C9orf57: variants seen among roughly 807,000 people sequenced by gnomAD.
The protein encoded by C9orf57 is chromosome 9 open reading frame 57.
A neutral mutation model predicts 12.9 loss-of-function variants in C9orf57; 12 were observed. The observed-to-expected ratio is 0.93, with a 90% CI of 0.60 to 1.51. The LOEUF (loss-of-function observed/expected upper bound fraction) is 1.51. Among genes scored for constraint, C9orf57 ranks in the 40% most tolerant of loss-of-function variants. C9orf57 has a pLI of 0.00. For synonymous variants in C9orf57, 49 were observed against 57.1 expected (o/e 0.86, Z 0.64); for missense variants, 141 against 162.8 (o/e 0.87, Z 0.73).
chr9:72,060,374 A>G (rs1481464868), intron 1 of C9orf57, 123 bp downstream of exon 1: 8 of 648,116 alleles, frequency 1.2e-5, no homozygotes, highest in Non-Finnish European at 2.0e-5. Flanking sequence ...TTTCACTGCA[A>G]AAGACCTTAT....
chr9:72,052,376 T>A lies in C9orf57; in HGVS notation c.340A>T (p.Ser114Cys), dbSNP rs987872961. The A allele has an allele frequency of 1.2e-5, 18 of 1,552,046 alleles. No individual in the cohort carries two copies. The Admixed American group carries it at 3.5e-4, about 30-fold the overall frequency. ...CTKNTSECFK[S>C]TLVKRILQLH... ...TGCAGAATTCTCTTGACGAGAGTAC[T>A]CTTGAAGCACTCTGATGTGTTCTTT... The change falls in exon 5 of 5, where the codon AGT (serine) becomes TGT (cysteine). Residue 114 changes from serine to cysteine, a missense_variant. By Grantham distance (112) the Ser-to-Cys change is moderately radical. Coordinates refer to ENST00000651200, the MANE Select transcript of C9orf57 (RefSeq NM_001128618.2).
intron 4 of C9orf57, among the ~76,000 whole-genome samples, chr9:72,053,470 A>G (rs965438001): frequency 1.3e-5 from 2 of 152,170 alleles, no homozygotes; most frequent in Non-Finnish European, 2.9e-5. Context: ...GCTCTTTCTT[A>G]TACATAGAGT....
At chr9:72,054,500 ATGTC>A (rs1824147369) in intron 4 of C9orf57, among the ~76,000 whole-genome samples, 1 of 152,220 alleles carries the variant, frequency 6.6e-6, no homozygotes, top group Non-Finnish European at 1.5e-5. Context: ...GTCATTGAAA[ATGTC>A]TGAGCGTTCC....
intron 4 of C9orf57, among the ~76,000 whole-genome samples, chr9:72,054,417 G>T (rs533212676): frequency 2.6e-5 from 4 of 152,130 alleles, no homozygotes; most frequent in African/African-American, 9.7e-5. Context: ...TTGCTTTGTC[G>T]AAGGCTGTGT....
chr9:72,053,186 T>C (rs1824115838), intron 4 of C9orf57, among the ~76,000 whole-genome samples: 1 of 152,116 alleles, frequency 6.6e-6, no homozygotes, highest in Non-Finnish European at 1.5e-5. Flanking sequence ...TCTTGGCATC[T>C]AGTGGGTAAA....
At chr9:72,057,866 T>G (rs980831178) in intron 2 of C9orf57, among the ~76,000 whole-genome samples, 1 of 152,204 alleles carries the variant, frequency 6.6e-6, no homozygotes, top group Non-Finnish European at 1.5e-5. Flanking sequence ...CTTGAAAATA[T>G]TATTCATTTT....
chr9:72,051,986 C>G lies in C9orf57; in HGVS notation c.*310G>C, dbSNP rs948117473. Reference sequence around the variant, plus strand: ...AATGAAAGTAGTTAGAGGTGACATGCCTAGTTTGACTTGGAGAATCACTAA... The same window carrying G: ...AATGAAAGTAGTTAGAGGTGACATGGCTAGTTTGACTTGGAGAATCACTAA... On this transcript the variant is annotated 3_prime_UTR_variant, in exon 5 of 5. Coordinates refer to ENST00000651200, the MANE Select transcript of C9orf57 (RefSeq NM_001128618.2). 1 of 278,132 alleles carries G rather than the reference C, an allele frequency of 3.6e-6. No individual in the cohort carries two copies. Among genetic ancestry groups the G allele is most frequent in the African/African-American group, 2.2e-5 (1 of 45,092 alleles). 17.2% of individuals were successfully genotyped at this position (278,132 alleles called of 1,614,324 possible).
chr9:72,056,910 T>C lies in C9orf57; in HGVS notation c.98-67A>G, dbSNP rs570182568. The C allele has an allele frequency of 2.3e-4, 283 of 1,222,062 alleles. No individual in the cohort carries two copies. The African/African-American group carries it at 4.1e-3, about 17-fold the overall frequency. 75.7% of individuals were successfully genotyped at this position (1,222,062 alleles called of 1,614,324 possible). On this transcript the variant is annotated intron_variant, in intron 2 of 4. Coordinates refer to ENST00000651200, the MANE Select transcript of C9orf57 (RefSeq NM_001128618.2). ...CTGCAAATGTATACATATATATGTA[T>C]ACTTTTTTTTTTTTTTGAGACAGGG...
In C9orf57 at chr9:72,056,118, T is replaced by C; in HGVS notation, c.236A>G (p.Gln79Arg). The C allele has an allele frequency of 1.3e-6, 2 of 1,551,356 alleles. No homozygotes were observed. The highest frequency in any genetic ancestry group is 1.7e-6 in the Non-Finnish European group (2 of 1,146,722). The change falls in exon 4 of 5, where the codon CAG becomes CGG. Residue 79 changes from glutamine to arginine, a missense_variant. By Grantham distance (43) the Gln-to-Arg change is conservative. Coordinates refer to ENST00000651200, the MANE Select transcript of C9orf57 (RefSeq NM_001128618.2). Reference sequence around the variant, plus strand: ...TTTACAGTACTGACCAGGTTCTGCCTGGCAGGTTCCCAGGTCTAAAAGACA... The same window carrying C: ...TTTACAGTACTGACCAGGTTCTGCCCGGCAGGTTCCCAGGTCTAAAAGACA... ...HGCLLDLGTCQAEPGQYCKEE... is the reference protein window; with the variant it reads ...HGCLLDLGTCRAEPGQYCKEE...
chr9:72,052,102 G>A lies in C9orf57; in HGVS notation c.*194C>T. 1.8e-6 allele frequency: 1 copy of A among 553,818 alleles called. No homozygotes were observed. Among genetic ancestry groups the A allele is most frequent in the Non-Finnish European group, 3.1e-6 (1 of 318,408 alleles). The allele number at this position is 553,818 out of a possible 1,614,324, so 34.3% of individuals were successfully genotyped here. On this transcript the variant is annotated 3_prime_UTR_variant, in exon 5 of 5. Coordinates refer to ENST00000651200, the MANE Select transcript of C9orf57 (RefSeq NM_001128618.2). ...ATGGTGTTGAAAGGGCTATTTCTCA[G>A]ATGAGTTGGAGGTGGTGGGGGAGAT...
intron 1 of C9orf57, among the ~76,000 whole-genome samples, 184 bp downstream of exon 1, chr9:72,060,313 G>A (rs1019391357): frequency 6.6e-6 from 1 of 152,144 alleles, no homozygotes; most frequent in Non-Finnish European, 1.5e-5. Context: ...CCAAAGTGCT[G>A]GGATTACAGG....
rs150556445 is a variant in C9orf57, at chr9:72,059,174, C to T, written c.97+61G>A. 301 of 1,544,186 alleles carry T rather than the reference C, an allele frequency of 1.9e-4. 2 individuals are homozygous for T. In the East Asian group the frequency reaches 6.2e-3, roughly 32 times the overall value. On this transcript the variant is annotated intron_variant, in intron 2 of 4. Coordinates refer to ENST00000651200, the MANE Select transcript of C9orf57 (RefSeq NM_001128618.2). ...GATTACAGGCGTGAGCCGCCACGCT[C>T]GGCCCTACAATTTCTTAATAATTTT...
intron 3 of C9orf57, 33 bp from the exon 4 acceptor site, chr9:72,056,229 A>G: frequency 1.3e-6 from 2 of 1,537,376 alleles, no homozygotes; most frequent in Non-Finnish European, 1.8e-6. Context: ...ATGAGAAAGT[A>G]GTGATAGATA....
At position 72,055,374 on chromosome 9, in the gene C9orf57, C is replaced by CTCCTTCCT. The variant is rs1161301685; in HGVS notation, c.280+692_280+699dup. On this transcript the variant is annotated intron_variant, in intron 4 of 4. Coordinates refer to ENST00000651200, the MANE Select transcript of C9orf57 (RefSeq NM_001128618.2). ...ATTCTTTCCCTCCCTCCCTCCCTCC[C>CTCCTTCCT]TCCTTCCTTCCTTCCTTCCTTCCTT... is the stretch of plus-strand genomic sequence containing the variant. Among the ~76,000 whole-genome samples the CTCCTTCCT allele has an allele frequency of 1.1e-3, 65 of 58,144 alleles. 1 individual carries two copies. Among genetic ancestry groups the CTCCTTCCT allele is most frequent in the East Asian group, 3.9e-3 (6 of 1,556 alleles). The allele number at this position is 58,144 out of a possible 152,430, so 38.1% of individuals were successfully genotyped here. A position where few individuals can be genotyped will look rare whatever the true frequency, so the allele number is the denominator to read the frequency against.
intron 1 of C9orf57, among the ~76,000 whole-genome samples, chr9:72,060,013 T>C (rs1025381289): frequency 6.6e-6 from 1 of 152,008 alleles, no homozygotes; most frequent in Admixed American, 6.6e-5. Context: ...AAAAGGAAAA[T>C]ACACATATTC....
At position 72,052,283 on chromosome 9, in the gene C9orf57, A is replaced by C; in HGVS notation, c.*13T>G. 1 of 1,551,288 alleles carries C rather than the reference A, an allele frequency of 6.4e-7. No individual in the cohort carries two copies. The highest frequency in any genetic ancestry group is 8.7e-7 in the Non-Finnish European group (1 of 1,146,832). On this transcript the variant is annotated 3_prime_UTR_variant, in exon 5 of 5. Transcript: ENST00000651200. ...GATTGATCTGCCAAGCATTTTAGAT[A>C]TGGGCCACTGACTCAGAAATTGCAC... is the stretch of plus-strand genomic sequence containing the variant.
At chr9:72,059,833 A>T (rs1449369863) in intron 1 of C9orf57, among the ~76,000 whole-genome samples, 2 of 152,186 alleles carry the variant, frequency 1.3e-5, no homozygotes, top group East Asian at 3.9e-4. Context: ...TAAATAAATA[A>T]ACCCATAAAA....
At chr9:72,054,108 C>T (rs995985637) in intron 4 of C9orf57, among the ~76,000 whole-genome samples, 2 of 152,230 alleles carry the variant, frequency 1.3e-5, no homozygotes, top group African/African-American at 2.4e-5. Context: ...AAGCGATTCT[C>T]CTGCCTCAGC....
Position 72,055,085 on chromosome 9 carries a change from G to A in C9orf57, c.280+989C>T, listed in dbSNP as rs986434586. ...AACATGGTGGTGCAAGCCACCATGC[G>A]CGACTAATTTTTATATATATATATT... On this transcript the variant is annotated intron_variant, in intron 4 of 4. Transcript: ENST00000651200. Among the ~76,000 whole-genome samples the A allele has an allele frequency of 6.7e-5, 10 of 148,696 alleles. No homozygotes were observed. In the East Asian group the frequency reaches 1.2e-3, roughly 17 times the overall value.
Sources: gnomAD v4.1 joint callset for allele counts (sites outside exome capture counted in the v4.1 genomes callset) on GRCh38, gnomAD v4.1.1 for gene constraint, MANE v1.5 for transcripts, NCBI Gene and HGNC (gene_info 2026-07-23, HGNC 2026-07-21) for gene names.